The following EVC2 variants were observed in gnomAD, a reference collection of about 807,000 sequenced individuals.
The protein encoded by EVC2 is limbin.
Under a neutral mutation model 149.3 loss-of-function variants are expected in EVC2, and 148 were observed. The ratio of observed to expected loss-of-function variants is 0.99; its 90% confidence interval spans 0.87 to 1.14. The LOEUF is 1.14. EVC2 is among the 50% of genes most tolerant of loss of function. The probability of loss-of-function intolerance (pLI) is 0.00; values close to 1 mark genes in which losing one functional copy is unlikely to be tolerated. For missense variants in EVC2, 1,854 were observed against 1,627.3 expected (o/e 1.14, Z -2.40); for synonymous variants, 776 against 649.9 (o/e 1.19, Z -2.95).
At chr4:5,539,506 T>A (rs1359887918), downstream of EVC2, among the ~76,000 whole-genome samples, 1 of 152,144 alleles carries the variant, frequency 6.6e-6, no homozygotes, top group Non-Finnish European at 1.5e-5. Flanking sequence ...GAAAAAAATA[T>A]ATACATCTAA....
intron 19 of EVC2, among the ~76,000 whole-genome samples, chr4:5,571,973 T>C (rs899168319): frequency 4.6e-5 from 7 of 152,184 alleles, no homozygotes; most frequent in Admixed American, 6.5e-5. Context: ...CTGCAACTCC[T>C]TCCTGAGTCT....
At chr4:5,532,223 C>A in the EVC2 span, among the ~76,000 whole-genome samples, 1 of 152,056 alleles carries the variant, frequency 6.6e-6, no homozygotes, top group Admixed American at 6.5e-5. Flanking sequence ...CAGCTCCAGC[C>A]TAAAGGCCAT....
intron 7 of EVC2, among the ~76,000 whole-genome samples, chr4:5,673,802 G>A (rs1396967852): frequency 6.6e-6 from 1 of 152,214 alleles, no homozygotes; most frequent in Non-Finnish European, 1.5e-5. Context: ...ACTTCATTAT[G>A]TACTAAATAT....
At chr4:5,595,687 C>A (rs1335744039) in intron 16 of EVC2, among the ~76,000 whole-genome samples, 1 of 152,162 alleles carries the variant, frequency 6.6e-6, no homozygotes, top group African/African-American at 2.4e-5. Context: ...CAGCTAACAT[C>A]ATCATGACAG....
At chr4:5,536,551 A>C in the EVC2 span, among the ~76,000 whole-genome samples, 1 of 152,158 alleles carries the variant, frequency 6.6e-6, no homozygotes, top group African/African-American at 2.4e-5. Flanking sequence ...TTGGGAGGCC[A>C]AGGCGGGCAG....
At chr4:5,693,594 C>T (rs1414032398) in intron 3 of EVC2, among the ~76,000 whole-genome samples, 1 of 152,226 alleles carries the variant, frequency 6.6e-6, no homozygotes, top group Non-Finnish European at 1.5e-5. Flanking sequence ...GACTTCTAAC[C>T]TCCCCAGCAG....
rs1049765952 is a variant in EVC2 at position 5,632,007 on chromosome 4, A to C, written c.1496T>G (p.Leu499Arg). ...ERSAVECSNL[L>R]RTLHGLEQEH... The stretch of plus-strand genomic sequence containing the variant: ...CTGTTCCAGGCCATGGAGGGTCCGC[A>C]GAAGGTTGCTGCACTCTACAGCAGA... The change falls in exon 11 of 22, where the codon CTG (leucine) becomes CGG (arginine). Residue 499 changes from leucine to arginine, a missense_variant. Transcript: ENST00000344408. 6.2e-7 allele frequency: 1 copy of C among 1,614,064 alleles called. No homozygotes were observed. Among genetic ancestry groups the C allele is most frequent in the African/African-American group, 1.3e-5 (1 of 74,942 alleles).
At chr4:5,708,727 G>A, upstream of EVC2, 2 of 449,474 alleles carry the variant, frequency 4.4e-6, no homozygotes, top group Non-Finnish European at 7.7e-6. Context: ...GGCGCCCGGC[G>A]GCCAGGCCTG....
rs1577281809 is a variant in EVC2 at position 5,706,445 on chromosome 4, G to GATACATAGATAGATAC, written c.228+1840_228+1841insGTATCTATCTATGTAT. On this transcript the variant is annotated intron_variant, in intron 1 of 21. Coordinates refer to ENST00000344408, the MANE Select transcript of EVC2 (RefSeq NM_147127.5). ...AGATAGATACATAGATAGATAGATAGATACATACATACATACATACATACA... is the reference window on the plus strand; with the variant it reads ...AGATAGATACATAGATAGATAGATAGATACATAGATAGATACATACATACATACATACATACATACA... 1.9e-4 allele frequency among the ~76,000 whole-genome samples: 5 copies of GATACATAGATAGATAC among 25,762 alleles called. 1 individual carries two copies. Among genetic ancestry groups the GATACATAGATAGATAC allele is most frequent in the Non-Finnish European group, 3.0e-4 (4 of 13,518 alleles). The allele number at this position is 25,762 out of a possible 152,430, so 16.9% of individuals were successfully genotyped here.
chr4:5,693,303 T>A (rs1467721873), intron 3 of EVC2, among the ~76,000 whole-genome samples: 1 of 152,186 alleles, frequency 6.6e-6, no homozygotes, highest in Admixed American at 6.5e-5. Flanking sequence ...GTATGTGTCC[T>A]TATTTGGAAA....
At chr4:5,676,998 T>C (rs918958628) in intron 7 of EVC2, among the ~76,000 whole-genome samples, 2 of 152,168 alleles carry the variant, frequency 1.3e-5, no homozygotes, top group Non-Finnish European at 2.9e-5. Context: ...CCCGTGGGCA[T>C]TGGGGCATGA....
intron 9 of EVC2, among the ~76,000 whole-genome samples, chr4:5,654,279 C>T (rs926558569): frequency 1.3e-5 from 2 of 151,542 alleles, no homozygotes; most frequent in Non-Finnish European, 2.9e-5. Flanking sequence ...TGGAGTGAGG[C>T]CTGGAGTCAG....
chr4:5,571,645 CTGA>C (rs1722651565), intron 19 of EVC2, among the ~76,000 whole-genome samples: 1 of 152,078 alleles, frequency 6.6e-6, no homozygotes, highest in South Asian at 2.1e-4. Flanking sequence ...CTGAGCTTCC[CTGA>C]TGATTCTTTT....
chr4:5,575,427 G>T (rs917594794), intron 18 of EVC2, among the ~76,000 whole-genome samples: 1 of 152,172 alleles, frequency 6.6e-6, no homozygotes, highest in Admixed American at 6.6e-5. Flanking sequence ...CAACCACGCA[G>T]ATGGGGCCCC....
rs147733750 is a variant in EVC2, at chr4:5,657,323, G to T, written c.1145+5784C>A. Among the ~76,000 whole-genome samples the T allele has an allele frequency of 6.6e-6, 1 of 151,522 alleles. No individual in the cohort carries two copies. ...ATCCCATGTTCCCTCCCCAAGCCAC[G>T]TATCTGCTGCATCTACACAGACTCT... On this transcript the variant is annotated intron_variant, in intron 9 of 21. Coordinates refer to ENST00000344408, the MANE Select transcript of EVC2 (RefSeq NM_147127.5). This position sits in a 1 kb window ranked among gnomAD's most constrained non-coding sequence, Gnocchi z 4.7.
intron 7 of EVC2, 116 bp downstream of exon 7, chr4:5,681,144 G>A (rs957676288): frequency 3.9e-5 from 45 of 1,158,224 alleles, no homozygotes; most frequent in East Asian, 1.4e-4. Flanking sequence ...CAGTCTCAAC[G>A]CATAACTGGG....
chr4:5,532,388 C>T, the EVC2 span, among the ~76,000 whole-genome samples: 1 of 152,232 alleles, frequency 6.6e-6, no homozygotes, highest in African/African-American at 2.4e-5. Context: ...AACACCCTCA[C>T]AGAAGCATCC....
At chr4:5,559,145 G>T (rs1489142250), downstream of EVC2, among the ~76,000 whole-genome samples, 4 of 152,106 alleles carry the variant, frequency 2.6e-5, no homozygotes. This position sits in a 1 kb window ranked among gnomAD's most constrained non-coding sequence, Gnocchi z 5.0. Flanking sequence ...GAAAGTCAAG[G>T]CTGCAGTAAA....
At chr4:5,630,887 C>A (rs1716482994) in intron 11 of EVC2, among the ~76,000 whole-genome samples, 1 of 152,230 alleles carries the variant, frequency 6.6e-6, no homozygotes, top group African/African-American at 2.4e-5. Flanking sequence ...AGTTTGCTCA[C>A]AATTACCCTT....
Sources: allele counts gnomAD v4.1 joint callset (sites outside exome capture counted in the v4.1 genomes callset), GRCh38; gene constraint gnomAD v4.1.1; non-coding constraint Gnocchi (gnomAD v3.1); transcripts MANE v1.5; gene names NCBI Gene and HGNC (gene_info 2026-07-23, HGNC 2026-07-21).